The following MARCHF10 variants were observed in gnomAD, a reference collection of about 807,000 sequenced individuals.
MARCHF10 encodes the protein probable E3 ubiquitin-protein ligase MARCHF10.
A neutral mutation model predicts 76.2 loss-of-function variants in MARCHF10; 64 were observed. The observed-to-expected ratio is 0.84, with a 90% confidence interval of 0.69 to 1.03. MARCHF10 has a LOEUF of 1.03. Among genes scored for constraint, MARCHF10 ranks in the 50% least tolerant of loss-of-function variants. MARCHF10 has a pLI of 0.00. For synonymous variants in MARCHF10, 340 were observed against 357.5 expected (o/e 0.95, Z 0.55); for missense variants, 875 against 958.0 (o/e 0.91, Z 1.14).
intron 5 of MARCHF10, among the ~76,000 whole-genome samples, chr17:62,741,453 C>T (rs1827360871): frequency 6.6e-6 from 1 of 152,226 alleles, no homozygotes; most frequent in South Asian, 2.1e-4. Flanking sequence ...GAAAGCATCT[C>T]TCTCATAACT....
rs140091844 is a variant in MARCHF10, at chr17:62,778,485, C to T, written c.210+9995G>A. On this transcript the variant is annotated intron_variant, in intron 3 of 10. Transcript: ENST00000311269. The stretch of plus-strand genomic sequence containing the variant: ...ACAATAATCCAGACAAATCCAAGCA[C>T]TTTGGGAGGCTGAGGCGGGTGGATC... Among the ~76,000 whole-genome samples the T allele has an allele frequency of 7.0e-3, 1,061 of 152,132 alleles. 8 individuals carry two copies. The highest frequency in any genetic ancestry group is 0.024 in the African/African-American group (1,008 of 41,468).
chr17:62,759,858 A>G lies in MARCHF10; in HGVS notation c.359T>C (p.Val120Ala). The change falls in exon 4 of 11, where the codon GTG becomes GCG. Residue 120 changes from valine to alanine, a missense_variant. By Grantham distance (64) the Val-to-Ala change is moderately conservative. Transcript: ENST00000311269. ...STMTVRKAEKVDPSEPSPADQ... is the reference protein window; with the variant it reads ...STMTVRKAEKADPSEPSPADQ... ...ACCTGGAGAGGGTTCGCTGGGGTCC[A>G]CTTTCTCTGCTTTCCTTACAGTCAT... 6.2e-7 allele frequency: 1 copy of G among 1,614,092 alleles called. No homozygotes were observed. Among genetic ancestry groups the G allele is most frequent in the Non-Finnish European group, 8.5e-7 (1 of 1,180,010 alleles).
rs1447656255 is a variant in MARCHF10, at chr17:62,793,564, TCCA to T, written c.91-4968_91-4966del. 5.3e-3 allele frequency among the ~76,000 whole-genome samples: 248 copies of T among 46,476 alleles called. 1 individual carries two copies. Among genetic ancestry groups the T allele is most frequent in the African/African-American group, 0.019 (219 of 11,676 alleles). 30.5% of individuals were successfully genotyped at this position (46,476 alleles called of 152,430 possible). On this transcript the variant is annotated intron_variant, in intron 2 of 10. Transcript: ENST00000311269. ...CACCACCTCCACTGCCACCACCACC[TCCA>T]CCACCACCACAACCATCACCACCCA...
chr17:62,750,495 G>C (rs1230113310), intron 4 of MARCHF10: 3 of 152,980 alleles, frequency 2.0e-5, no homozygotes, highest in Non-Finnish European at 4.4e-5. Context: ...GAGCAGTAAG[G>C]GGTGTATTCA....
At chr17:62,728,634 T>A (rs965492500) in intron 6 of MARCHF10, among the ~76,000 whole-genome samples, 7 of 152,154 alleles carry the variant, frequency 4.6e-5, no homozygotes, top group African/African-American at 1.7e-4. Context: ...GCAGCTGCTA[T>A]GTAAAAGGAA....
At chr17:62,805,365 C>A (rs1238743100) in intron 1 of MARCHF10, among the ~76,000 whole-genome samples, 1 of 152,116 alleles carries the variant, frequency 6.6e-6, no homozygotes, top group Non-Finnish European at 1.5e-5. Flanking sequence ...AGAAGCCTGT[C>A]TGAATCTTAT....
chr17:62,724,898 C>CGTTA (rs754239199), intron 7 of MARCHF10, 40 bp downstream of exon 7: 6 of 1,603,438 alleles, frequency 3.7e-6, no homozygotes, highest in Non-Finnish European at 5.1e-6. Flanking sequence ...ATGTTAATTA[C>CGTTA]ATGTCGTGGC....
intron 9 of MARCHF10, among the ~76,000 whole-genome samples, chr17:62,709,277 C>T (rs561934359): frequency 7.2e-5 from 11 of 152,208 alleles, no homozygotes; most frequent in African/African-American, 2.4e-4. Context: ...GTCAGGAGTT[C>T]GAGACCAGCC....
chr17:62,756,942 G>A (rs2092061474), intron 4 of MARCHF10, among the ~76,000 whole-genome samples: 1 of 152,174 alleles, frequency 6.6e-6, no homozygotes, highest in Non-Finnish European at 1.5e-5. Context: ...CTTCTAACAG[G>A]ATGAAGAGCA....
chr17:62,714,859 C>T (rs776588037), intron 8 of MARCHF10, among the ~76,000 whole-genome samples: 45 of 152,252 alleles, frequency 3.0e-4, no homozygotes, highest in Non-Finnish European at 5.4e-4. Flanking sequence ...GATTCTCCTG[C>T]CTCAGCCTCC....
chr17:62,806,725 T>C (rs910686123), intron 1 of MARCHF10: 4 of 152,110 alleles, frequency 2.6e-5, no homozygotes, highest in African/African-American at 7.2e-5. Context: ...CGTTCTTCTC[T>C]AGTGTAATTT....
intron 10 of MARCHF10, among the ~76,000 whole-genome samples, chr17:62,702,422 C>T (rs1476485041): frequency 6.1e-5 from 8 of 130,082 alleles, no homozygotes; most frequent in Non-Finnish European, 1.2e-4. Context: ...GGCCAAGGGG[C>T]GGGGGGCGGG....
rs143167917 is a variant in MARCHF10, at chr17:62,734,276, C to T, written c.1937+1655G>A. ...CAACGAAATGCAAAAGGATGATAAA[C>T]GCAATACAGGAATGGTCAGGGTGGG... On this transcript the variant is annotated intron_variant, in intron 6 of 10. Coordinates refer to ENST00000311269, the MANE Select transcript of MARCHF10 (RefSeq NM_152598.4). 3.6e-3 allele frequency among the ~76,000 whole-genome samples: 554 copies of T among 151,810 alleles called. 3 individuals are homozygous for T. The highest frequency in any genetic ancestry group is 0.012 in the African/African-American group (513 of 41,376).
At chr17:62,706,435 C>T (rs1051813008) in intron 9 of MARCHF10, 7 of 152,270 alleles carry the variant, frequency 4.6e-5, no homozygotes, top group African/African-American at 1.7e-4. Context: ...TTATCTATCT[C>T]ATCAACTCTT....
chr17:62,797,368 C>A (rs984683442), intron 2 of MARCHF10, among the ~76,000 whole-genome samples: 2 of 152,122 alleles, frequency 1.3e-5, no homozygotes, highest in African/African-American at 4.8e-5. Context: ...CCACGCCCAG[C>A]TAATTTTTTG....
At chr17:62,795,356 C>CAAAAAAA (rs61564298) in intron 2 of MARCHF10, among the ~76,000 whole-genome samples, 19 of 52,936 alleles carry the variant, frequency 3.6e-4, no homozygotes, top group South Asian at 1.9e-3. Flanking sequence ...ATCATTTGAT[C>CAAAAAAA]AAAAAAAAAA....
At chr17:62,780,752 G>A (rs1484619238) in intron 3 of MARCHF10, among the ~76,000 whole-genome samples, 1 of 152,186 alleles carries the variant, frequency 6.6e-6, no homozygotes, top group Non-Finnish European at 1.5e-5. Flanking sequence ...TGAGGCTTGT[G>A]CATTTGGAAC....
chr17:62,790,239 G>T (rs922705873), intron 2 of MARCHF10, among the ~76,000 whole-genome samples: 3 of 151,804 alleles, frequency 2.0e-5, no homozygotes, highest in Non-Finnish European at 4.4e-5. Flanking sequence ...GCAGTGGCAC[G>T]ATCTTGGCTC....
intron 3 of MARCHF10, among the ~76,000 whole-genome samples, chr17:62,784,922 T>C (rs1005968248): frequency 6.6e-6 from 1 of 152,112 alleles, no homozygotes; most frequent in Non-Finnish European, 1.5e-5. Context: ...ATAGGAAGAA[T>C]CAATATCATG....
Sources: gnomAD v4.1 joint callset for allele counts (sites outside exome capture counted in the v4.1 genomes callset) on GRCh38, gnomAD v4.1.1 for gene constraint, MANE v1.5 for transcripts, NCBI Gene and HGNC (gene_info 2026-07-23, HGNC 2026-07-21) for gene names.